GRIN2A: variants seen among roughly 807,000 people sequenced by gnomAD.
The protein encoded by GRIN2A is glutamate receptor ionotropic, NMDA 2A.
GRIN2A carries 22 observed loss-of-function variants against 113.4 expected under a neutral mutation model. The ratio of observed to expected loss-of-function variants is 0.19; its 90% CI spans 0.14 to 0.28. The LOEUF is 0.28. GRIN2A is among the 10% of genes least tolerant of loss of function. The pLI is 1.00. For synonymous variants in GRIN2A, 827 were observed against 738.4 expected (o/e 1.12, Z -1.94); for missense variants, 1,502 against 1,887.0 (o/e 0.80, Z 3.78).
In GRIN2A at chr16:9,763,340, G is replaced by A. The variant is rs866121846; in HGVS notation, c.4204C>T (p.Arg1402Trp). The change falls in exon 13 of 13, where the codon CGG becomes TGG. Residue 1402 changes from arginine to tryptophan, a missense_variant. Physicochemically the swap from Arg to Trp is moderately radical, Grantham distance 101 (BLOSUM62 -3). Coordinates refer to ENST00000330684, the MANE Select transcript of GRIN2A (RefSeq NM_001134407.3). ...GATGCCGTTGACCTCAAGGACGACCGAAGATAGCTGTCATTCACCGCCTGG... is the reference window on the plus strand; with the variant it reads ...GATGCCGTTGACCTCAAGGACGACCAAAGATAGCTGTCATTCACCGCCTGG... ...PSQAVNDSYL[R>W]SSLRSTASYC... 2 of 1,614,084 alleles carry A rather than the reference G, an allele frequency of 1.2e-6. No individual in the cohort carries two copies. The highest frequency in any genetic ancestry group is 1.7e-6 in the Non-Finnish European group (2 of 1,179,982).
At chr16:9,823,826 A>G (rs147585694) in intron 9 of GRIN2A, among the ~76,000 whole-genome samples, 4 of 152,284 alleles carry the variant, frequency 2.6e-5, no homozygotes, top group East Asian at 3.9e-4. Flanking sequence ...TCTTAACTCT[A>G]TCATTCCTCA....
At chr16:10,068,359 G>A (rs535188096) in intron 2 of GRIN2A, among the ~76,000 whole-genome samples, 1 of 152,334 alleles carries the variant, frequency 6.6e-6, no homozygotes, top group South Asian at 2.1e-4. Flanking sequence ...CAGGAAACAT[G>A]GTACTGGCAT....
At chr16:10,086,847 A>G (rs781456828) in intron 2 of GRIN2A, among the ~76,000 whole-genome samples, 7 of 152,206 alleles carry the variant, frequency 4.6e-5, no homozygotes, top group Non-Finnish European at 1.0e-4. Flanking sequence ...GTAAGCTCTT[A>G]GTGGGCAGGA....
rs936114721 is a variant in GRIN2A, at chr16:9,759,043, C to T, written c.*4106G>A. The T allele has an allele frequency of 7.3e-5, 16 of 220,306 alleles. No homozygotes were observed. Among genetic ancestry groups the T allele is most frequent in the East Asian group, 1.3e-4 (2 of 14,990 alleles). The allele number at this position is 220,306 out of a possible 1,614,324, so 13.6% of individuals were successfully genotyped here. On this transcript the variant is annotated 3_prime_UTR_variant, in exon 13 of 13. Coordinates refer to ENST00000330684, the MANE Select transcript of GRIN2A (RefSeq NM_001134407.3). ...CAAACAGGCTCCATTTCAGAAACAA[C>T]GCATGTCCCCTTTTCAAGGATTCAT...
intron 2 of GRIN2A, among the ~76,000 whole-genome samples, chr16:9,967,155 T>C (rs573522841): frequency 4.8e-4 from 73 of 152,294 alleles, no homozygotes; most frequent in African/African-American, 1.6e-3. Context: ...ATAAAGAATA[T>C]GAATTATGCT....
At chr16:9,829,895 G>A (rs1010014305) in intron 8 of GRIN2A, among the ~76,000 whole-genome samples, 11 of 152,086 alleles carry the variant, frequency 7.2e-5, no homozygotes, top group Non-Finnish European at 1.5e-4. Flanking sequence ...GAAAGGAAAC[G>A]AAAATGGTTA....
At chr16:10,035,508 C>T (rs1567249803) in intron 2 of GRIN2A, among the ~76,000 whole-genome samples, 2 of 152,176 alleles carry the variant, frequency 1.3e-5, no homozygotes, top group Non-Finnish European at 2.9e-5. Context: ...AGGCACATCT[C>T]ATGTGTCACC....
intron 3 of GRIN2A, among the ~76,000 whole-genome samples, chr16:9,935,063 A>C (rs184325257): frequency 6.6e-6 from 1 of 152,134 alleles, no homozygotes; most frequent in Non-Finnish European, 1.5e-5. Context: ...AGAATTTTTT[A>C]AAAAAAGCAT....
intron 2 of GRIN2A, among the ~76,000 whole-genome samples, chr16:10,070,240 G>T (rs560305847): frequency 6.6e-6 from 1 of 152,196 alleles, no homozygotes; most frequent in Admixed American, 6.5e-5. Flanking sequence ...CCACCTCGAA[G>T]CACCTCCATT....
At chr16:9,811,881 C>T (rs1353538612) in intron 10 of GRIN2A, among the ~76,000 whole-genome samples, 2 of 152,232 alleles carry the variant, frequency 1.3e-5, no homozygotes, top group South Asian at 2.1e-4. Context: ...CTTCCTGTGG[C>T]TTGGCTCGAA....
chr16:9,890,869 G>C, intron 4 of GRIN2A, 117 bp downstream of exon 4: 1 of 731,924 alleles, frequency 1.4e-6, no homozygotes, highest in Non-Finnish European at 2.5e-6. Flanking sequence ...TCTTGGCTGT[G>C]AGATGGGATC....
At chr16:9,765,294 G>GTC (rs1186822933) in intron 12 of GRIN2A, among the ~76,000 whole-genome samples, 1 of 152,154 alleles carries the variant, frequency 6.6e-6, no homozygotes, top group African/African-American at 2.4e-5. Flanking sequence ...CAGCACCCGG[G>GTC]TCACCAATCC....
At chr16:9,795,259 C>G (rs1243800251) in intron 11 of GRIN2A, among the ~76,000 whole-genome samples, 1 of 152,072 alleles carries the variant, frequency 6.6e-6, no homozygotes, top group Non-Finnish European at 1.5e-5. Context: ...AAGAAGCTGG[C>G]CAAAACCCAA....
chr16:9,815,008 C>T (rs973139786), intron 10 of GRIN2A, among the ~76,000 whole-genome samples: 3 of 139,614 alleles, frequency 2.1e-5, no homozygotes, highest in Non-Finnish European at 3.0e-5. Context: ...GCAACAAGAG[C>T]GAAACTCCGT....
intron 4 of GRIN2A, among the ~76,000 whole-genome samples, chr16:9,858,218 A>G (rs535123706): frequency 6.6e-6 from 1 of 152,330 alleles, no homozygotes; most frequent in Admixed American, 6.5e-5. Flanking sequence ...AGAAATTGAG[A>G]GAAGAAAGCA....
intron 2 of GRIN2A, among the ~76,000 whole-genome samples, chr16:10,173,881 C>T (rs141057952): frequency 1.2e-3 from 186 of 152,168 alleles, no homozygotes; most frequent in Non-Finnish European, 2.0e-3. Context: ...GGTCAAAATC[C>T]GAGTGAACAC....
intron 3 of GRIN2A, among the ~76,000 whole-genome samples, chr16:9,927,317 A>G (rs1034408295): frequency 1.3e-5 from 2 of 152,180 alleles, no homozygotes; most frequent in Non-Finnish European, 2.9e-5. Context: ...GAGTTAAGCC[A>G]GTCAGTACCT....
At chr16:9,801,280 G>C (rs1206672831) in intron 10 of GRIN2A, among the ~76,000 whole-genome samples, 1 of 152,230 alleles carries the variant, frequency 6.6e-6, no homozygotes, top group Non-Finnish European at 1.5e-5. Context: ...TTGCCATGGA[G>C]ATATAGAAAC....
At chr16:10,018,732 C>T (rs532801830) in intron 2 of GRIN2A, among the ~76,000 whole-genome samples, 1 of 152,268 alleles carries the variant, frequency 6.6e-6, no homozygotes, top group African/African-American at 2.4e-5. Flanking sequence ...CACCCCAGCT[C>T]CGCTTTCACC....
Sources: allele counts gnomAD v4.1 joint callset (sites outside exome capture counted in the v4.1 genomes callset), GRCh38; gene constraint gnomAD v4.1.1; transcripts MANE v1.5; gene names NCBI Gene and HGNC (gene_info 2026-07-23, HGNC 2026-07-21).